DENND1B: variants seen among roughly 807,000 people sequenced by gnomAD.
DENND1B encodes the protein DENN domain containing 1B.
DENND1B carries 59 observed loss-of-function variants against 90.1 expected under a neutral mutation model. The ratio of observed to expected loss-of-function variants is 0.65; its 90% confidence interval spans 0.53 to 0.81. The LOEUF (loss-of-function observed/expected upper bound fraction) is 0.81. Among genes scored for constraint, DENND1B ranks in the 40% least tolerant of loss-of-function variants. DENND1B has a pLI of 0.00. For synonymous variants in DENND1B, 337 were observed against 324.6 expected, an observed-to-expected ratio of 1.04 and a Z score of -0.41; for missense variants, 862 against 912.6, an observed-to-expected ratio of 0.94 and a Z score of 0.71.
intron 3 of DENND1B, among the ~76,000 whole-genome samples, chr1:197,713,788 TA>T (rs1193077329): frequency 4.5e-5 from 1 of 22,122 alleles, no homozygotes; most frequent in Non-Finnish European, 8.4e-5. Context: ...TATTATATTA[TA>T]ATATTATTAT....
intron 3 of DENND1B, among the ~76,000 whole-genome samples, chr1:197,703,821 A>T (rs1296909842): frequency 6.6e-6 from 1 of 152,140 alleles, no homozygotes. Context: ...GGTTGCAAAC[A>T]TTCTCCATTC....
intron 10 of DENND1B, among the ~76,000 whole-genome samples, chr1:197,626,120 GA>G (rs765288877): frequency 1.1e-4 from 16 of 152,004 alleles, no homozygotes; most frequent in Non-Finnish European, 2.2e-4. Context: ...CAACGAGACA[GA>G]AAGTCAACAA....
chr1:197,766,071 A>G (rs1655658538), intron 2 of DENND1B, among the ~76,000 whole-genome samples: 1 of 152,194 alleles, frequency 6.6e-6, no homozygotes, highest in African/African-American at 2.4e-5. Context: ...GTTCCTGGCT[A>G]GCAGTGCAAA....
chr1:197,602,093 A>G (rs1163152239), intron 13 of DENND1B, among the ~76,000 whole-genome samples: 3 of 151,646 alleles, frequency 2.0e-5, no homozygotes, highest in African/African-American at 7.3e-5. Flanking sequence ...GGTTATGCTC[A>G]TAGTCAAAAA....
chr1:197,554,004 T>C (rs918289248), intron 15 of DENND1B, among the ~76,000 whole-genome samples: 4 of 151,850 alleles, frequency 2.6e-5, no homozygotes, highest in African/African-American at 9.7e-5. Context: ...TGTTCCAACA[T>C]ACATAGCATA....
chr1:197,695,144 C>A (rs1449006400), intron 3 of DENND1B, among the ~76,000 whole-genome samples: 1 of 151,136 alleles, frequency 6.6e-6, no homozygotes, highest in Non-Finnish European at 1.5e-5. Flanking sequence ...TCCTAAACTG[C>A]GCCTGCTAAA....
intron 3 of DENND1B, among the ~76,000 whole-genome samples, chr1:197,692,953 A>G (rs1658060572): frequency 6.6e-6 from 1 of 151,704 alleles, no homozygotes; most frequent in African/African-American, 2.4e-5. Flanking sequence ...TCCTATTAGA[A>G]TACCTGGCAC....
At chr1:197,536,798 T>A (rs1477331567) in intron 20 of DENND1B, among the ~76,000 whole-genome samples, 3 of 151,968 alleles carry the variant, frequency 2.0e-5, no homozygotes, top group Non-Finnish European at 4.4e-5. Flanking sequence ...TCCCAGCACT[T>A]TGGGAGGCCG....
chr1:197,594,252 C>A (rs1675488279), intron 14 of DENND1B, among the ~76,000 whole-genome samples: 1 of 152,128 alleles, frequency 6.6e-6, no homozygotes, highest in Admixed American at 6.5e-5. Flanking sequence ...TGAGTGGGAA[C>A]CACTAATTCA....
chr1:197,700,553 G>T (rs1167197829), intron 3 of DENND1B, among the ~76,000 whole-genome samples: 3 of 152,058 alleles, frequency 2.0e-5, no homozygotes, highest in African/African-American at 7.2e-5. Context: ...ACAGACATGG[G>T]CAAAGACTTC....
intron 10 of DENND1B, among the ~76,000 whole-genome samples, chr1:197,620,012 AATGAATT>A (rs1678008064): frequency 6.6e-6 from 1 of 151,340 alleles, no homozygotes; most frequent in Non-Finnish European, 1.5e-5. Flanking sequence ...AAGCAACCAG[AATGAATT>A]ATTAAAGGTA....
intron 7 of DENND1B, among the ~76,000 whole-genome samples, chr1:197,648,944 G>C (rs923188075): frequency 6.6e-6 from 1 of 152,144 alleles, no homozygotes; most frequent in Non-Finnish European, 1.5e-5. Flanking sequence ...TTATCACCCA[G>C]TCTACAAATG....
chr1:197,529,234 ATATATATAT>A (rs1669403270), intron 20 of DENND1B, among the ~76,000 whole-genome samples: 1 of 11,970 alleles, frequency 8.4e-5, no homozygotes, highest in African/African-American at 1.7e-4. Flanking sequence ...ATATATATAT[ATATATATAT>A]GTGTGTGTGT....
intron 6 of DENND1B, among the ~76,000 whole-genome samples, 185 bp from the exon 7 acceptor site, chr1:197,652,500 T>C (rs1653344573): frequency 6.6e-6 from 1 of 152,140 alleles, no homozygotes; most frequent in Admixed American, 6.5e-5. Flanking sequence ...TGAAAACATA[T>C]TTAAATCCCT....
chr1:197,691,978 AG>A (rs1183469332), intron 3 of DENND1B, among the ~76,000 whole-genome samples: 3 of 152,030 alleles, frequency 2.0e-5, no homozygotes, highest in Non-Finnish European at 4.4e-5. Context: ...AGAAATGGCA[AG>A]TTGCTGTTCA....
intron 5 of DENND1B, among the ~76,000 whole-genome samples, chr1:197,668,725 C>T (rs573689428): frequency 4.9e-4 from 75 of 151,836 alleles, no homozygotes; most frequent in African/African-American, 1.8e-3. Context: ...GTAATAAATA[C>T]CTTTGTTCAT....
intron 3 of DENND1B, among the ~76,000 whole-genome samples, chr1:197,699,449 A>T (rs1658794178): frequency 6.6e-6 from 1 of 152,160 alleles, no homozygotes; most frequent in Non-Finnish European, 1.5e-5. Flanking sequence ...CCCACAGCTA[A>T]TATCACTGAA....
intron 18 of DENND1B, among the ~76,000 whole-genome samples, chr1:197,545,028 G>GAGGAGAAGGAGA (rs74211600): frequency 7.9e-4 from 86 of 109,226 alleles, no homozygotes; most frequent in Middle Eastern, 4.7e-3. Context: ...ACGAAAGAAG[G>GAGGAGAAGGAGA]AGGAGAAGGA....
intron 15 of DENND1B, among the ~76,000 whole-genome samples, chr1:197,554,272 G>T (rs1671510895): frequency 6.6e-6 from 1 of 151,986 alleles, no homozygotes; most frequent in Non-Finnish European, 1.5e-5. Context: ...TTGCTTAAGA[G>T]GCAGGGGATA....
Sources: allele counts gnomAD v4.1 joint callset (sites outside exome capture counted in the v4.1 genomes callset), GRCh38; gene constraint gnomAD v4.1.1; transcripts MANE v1.5; gene names NCBI Gene and HGNC (gene_info 2026-07-23, HGNC 2026-07-21).